The following SLIT1 variants were observed in gnomAD, a reference collection of about 807,000 sequenced individuals.
SLIT1 encodes slit homolog 1 protein.
Under a neutral mutation model 186.1 loss-of-function variants are expected in SLIT1, and 66 were observed. That is an observed-to-expected ratio of 0.35 (90% CI 0.29 to 0.44). The LOEUF (loss-of-function observed/expected upper bound fraction) is 0.44. Ranked by LOEUF, SLIT1 falls within the 20% of genes least tolerant of loss-of-function variation. The probability of loss-of-function intolerance (pLI) is 1.00; values close to 1 mark genes in which losing one functional copy is unlikely to be tolerated. For missense variants in SLIT1, 1,638 were observed against 2,037.4 expected (o/e 0.80, Z 3.77); for synonymous variants, 761 against 833.8 (o/e 0.91, Z 1.50).
intron 1 of SLIT1, among the ~76,000 whole-genome samples, chr10:97,177,048 C>CT (rs1428418967): frequency 6.6e-6 from 1 of 152,212 alleles, no homozygotes; most frequent in Non-Finnish European, 1.5e-5. Flanking sequence ...TGCTGAAGAG[C>CT]TACAGAGCCA....
chr10:97,089,140 A>C (rs1249733580), intron 4 of SLIT1, among the ~76,000 whole-genome samples: 1 of 152,262 alleles, frequency 6.6e-6, no homozygotes, highest in African/African-American at 2.4e-5. Context: ...AGGCAAGGGA[A>C]TCTGAGACAG....
In SLIT1 at chr10:97,000,999, C is replaced by T; in HGVS notation, c.*113G>A. On this transcript the variant is annotated 3_prime_UTR_variant, in exon 37 of 37. Transcript: ENST00000266058. ...ACCCCACCCAGGAGGGCCCAGCTGC[C>T]CAGGAGCCGTCCTGTGATGACCTGC... 1 of 821,666 alleles carries T rather than the reference C, an allele frequency of 1.2e-6. No homozygotes were observed. 50.9% of individuals were successfully genotyped at this position (821,666 alleles called of 1,614,324 possible).
At chr10:97,176,432 C>T (rs2134742437) in intron 1 of SLIT1, among the ~76,000 whole-genome samples, 1 of 152,218 alleles carries the variant, frequency 6.6e-6, no homozygotes, top group Admixed American at 6.5e-5. Flanking sequence ...CTGGCTCCCT[C>T]CTTCCCTCCC....
intron 4 of SLIT1, among the ~76,000 whole-genome samples, chr10:97,070,791 G>A (rs1395721444): frequency 6.6e-6 from 1 of 152,180 alleles, no homozygotes; most frequent in African/African-American, 2.4e-5. Context: ...ATAAATTTCT[G>A]CTGTTTATAA....
intron 1 of SLIT1, among the ~76,000 whole-genome samples, chr10:97,178,000 C>CA (rs1564695987): frequency 6.6e-6 from 1 of 151,748 alleles, no homozygotes; most frequent in East Asian, 1.9e-4. Context: ...AACAAACAAA[C>CA]AAAAAAACAG....
At chr10:97,122,267 A>G (rs1177330511) in intron 4 of SLIT1, among the ~76,000 whole-genome samples, 3 of 152,248 alleles carry the variant, frequency 2.0e-5, no homozygotes, top group Non-Finnish European at 2.9e-5. Context: ...CAAGTAAACA[A>G]TAATCAGAAG....
rs200936412 is a variant in SLIT1, at chr10:97,007,506, AGACC to A, written c.3342-790_3342-787del. Reference sequence around the variant, plus strand: ...AACAAAAGATATCACAAAAAACTACAGACCAATATCTATTATAAATATTGTCACC... The same window carrying A: ...AACAAAAGATATCACAAAAAACTACAAATATCTATTATAAATATTGTCACC... On this transcript the variant is annotated intron_variant, in intron 31 of 36. Transcript: ENST00000266058. Among the ~76,000 whole-genome samples the A allele has an allele frequency of 7.5e-3, 1,145 of 152,326 alleles. 14 individuals are homozygous for A. The highest frequency in any genetic ancestry group is 0.026 in the African/African-American group (1,077 of 41,568).
At chr10:97,062,878 G>C (rs553017946) in intron 8 of SLIT1, among the ~76,000 whole-genome samples, 1 of 152,372 alleles carries the variant, frequency 6.6e-6, no homozygotes, top group East Asian at 1.9e-4. Context: ...GGGCCAGGGA[G>C]GATGTAGGCA....
At position 97,021,585 on chromosome 10, in the gene SLIT1, T is replaced by C. The variant is rs548155382; in HGVS notation, c.2583-172A>G. On this transcript the variant is annotated intron_variant, in intron 25 of 36. Transcript: ENST00000266058. The surrounding 1 kb of genome is among the most constrained non-coding windows in gnomAD (Gnocchi z 4.5). ...TTTTTTTTTTTTTCTTTTTTTGAGA[T>C]GGAGTGTCGCTCTGTCGCCCAGGCT... 1.7e-4 allele frequency among the ~76,000 whole-genome samples: 25 copies of C among 151,406 alleles called. No homozygotes were observed. Among genetic ancestry groups the C allele is most frequent in the African/African-American group, 6.1e-4 (25 of 41,188 alleles).
At chr10:97,027,330 C>A (rs1848554822) in intron 25 of SLIT1, among the ~76,000 whole-genome samples, 2 of 152,242 alleles carry the variant, frequency 1.3e-5, no homozygotes, top group African/African-American at 4.8e-5. Context: ...AGGCGACAAC[C>A]ACTGTATGTG....
chr10:97,120,166 G>A (rs549525222), intron 4 of SLIT1, among the ~76,000 whole-genome samples: 1 of 152,066 alleles, frequency 6.6e-6, no homozygotes, highest in Admixed American at 6.5e-5. Context: ...GGACTGCACA[G>A]CTAGTAAGGT....
intron 4 of SLIT1, among the ~76,000 whole-genome samples, chr10:97,104,331 A>G (rs751668212): frequency 4.6e-5 from 7 of 152,056 alleles, no homozygotes; most frequent in Non-Finnish European, 8.8e-5. Flanking sequence ...AGAAAGGGGA[A>G]AAGTAGTCAA....
At chr10:97,090,656 T>C (rs1327117953) in intron 4 of SLIT1, among the ~76,000 whole-genome samples, 1 of 152,128 alleles carries the variant, frequency 6.6e-6, no homozygotes, top group Non-Finnish European at 1.5e-5. Flanking sequence ...GTAAAATTTT[T>C]AAGATGAGGA....
intron 28 of SLIT1, 81 bp from the exon 29 acceptor site, chr10:97,014,239 T>G: frequency 6.6e-7 from 1 of 1,509,258 alleles, no homozygotes; most frequent in Non-Finnish European, 9.1e-7. Flanking sequence ...AATATCACCA[T>G]TCCACGGAGT....
rs141005111 is a variant in SLIT1 at position 97,046,732 on chromosome 10, C to T, written c.1775G>A (p.Ser592Asn). The T allele has an allele frequency of 5.0e-6, 8 of 1,612,508 alleles. No individual in the cohort carries two copies. In the African/African-American group the frequency reaches 9.3e-5, roughly 19 times the overall value. ...DGAFEGAASVSELHLTANQLE... is the reference protein window; with the variant it reads ...DGAFEGAASVNELHLTANQLE... ...CTGGTTGGCAGTTAGGTGCAGCTCG[C>T]TCACAGAGGCTGCGCCCTCGAAGGC... Residue 592 changes from serine (S) to asparagine (N), a missense_variant, in exon 18 of 37, where the codon AGC becomes AAC. Physicochemically the swap from Ser to Asn is conservative, Grantham distance 46. Coordinates refer to ENST00000266058, the MANE Select transcript of SLIT1 (RefSeq NM_003061.3).
At chr10:97,057,106 T>C in intron 12 of SLIT1, 104 bp downstream of exon 12, 1 of 826,906 alleles carries the variant, frequency 1.2e-6, no homozygotes, top group Non-Finnish European at 2.0e-6. Context: ...ATTGTCTCAA[T>C]TGAGTCCCAT....
chr10:97,158,881 A>G (rs1849988898), intron 3 of SLIT1, among the ~76,000 whole-genome samples: 1 of 149,578 alleles, frequency 6.7e-6, no homozygotes, highest in Non-Finnish European at 1.5e-5. Flanking sequence ...GTCTCAGAGA[A>G]GAAAAAAAAA....
intron 30 of SLIT1, among the ~76,000 whole-genome samples, 173 bp from the exon 31 acceptor site, chr10:97,011,303 C>T (rs1332898205): frequency 3.3e-5 from 5 of 152,218 alleles, no homozygotes; most frequent in East Asian, 3.9e-4. Context: ...TCTAAAAGGG[C>T]CCCTAGCCCA....
intron 8 of SLIT1, among the ~76,000 whole-genome samples, chr10:97,063,176 G>C (rs1223514749): frequency 6.6e-6 from 1 of 152,112 alleles, no homozygotes; most frequent in Non-Finnish European, 1.5e-5. Flanking sequence ...GAGGCAAGAA[G>C]TGACATGCAG....
Sources: gnomAD v4.1 joint callset for allele counts (sites outside exome capture counted in the v4.1 genomes callset) on GRCh38, gnomAD v4.1.1 for gene constraint, Gnocchi (gnomAD v3.1) non-coding constraint, MANE v1.5 for transcripts, NCBI Gene and HGNC (gene_info 2026-07-23, HGNC 2026-07-21) for gene names.